LMO1: variants seen among roughly 807,000 people sequenced by gnomAD.
The protein encoded by LMO1 is LIM domain only 1, also known as rhombotin-1.
LMO1 carries 10 observed loss-of-function variants against 18.0 expected under a neutral mutation model. That is an observed-to-expected ratio of 0.55 (90% CI 0.34 to 0.94). LMO1 has a LOEUF of 0.94. Among genes scored for constraint, LMO1 ranks in the 40% least tolerant of loss-of-function variants. The pLI, the probability that LMO1 is intolerant of heterozygous loss-of-function variation, is 0.02. For synonymous variants in LMO1, 77 were observed against 77.9 expected (o/e 0.99, Z 0.06); for missense variants, 183 against 205.7 (o/e 0.89, Z 0.68).
chr11:8,241,798 A>C (rs1846798966), intron 1 of LMO1, among the ~76,000 whole-genome samples: 1 of 152,060 alleles, frequency 6.6e-6, no homozygotes, highest in African/African-American at 2.4e-5. Context: ...AAAAAAAAAA[A>C]AACAAAAAAA....
At chr11:8,250,036 C>A (rs1192422530) in intron 1 of LMO1, among the ~76,000 whole-genome samples, 1 of 118,054 alleles carries the variant, frequency 8.5e-6, no homozygotes, top group Non-Finnish European at 1.8e-5. Flanking sequence ...ATTTCTTCAC[C>A]TTTCCCCATT....
At position 8,262,363 on chromosome 11, in the gene LMO1, G is replaced by C. The variant is rs74055017; in HGVS notation, c.25+975C>G. ...CTCACCTACAGGGCAGGAGGTCCTG[G>C]GACAGCCAAGGTACTGCCTCTCTCC... On this transcript the variant is annotated intron_variant, in intron 1 of 3. Coordinates refer to ENST00000335790, the MANE Select transcript of LMO1 (RefSeq NM_002315.3). Among the ~76,000 whole-genome samples, 1,411 of 152,264 alleles carry C rather than the reference G, an allele frequency of 9.3e-3. 4 individuals carry two copies. The highest frequency in any genetic ancestry group is 0.015 in the South Asian group (74 of 4,826).
intron 1 of LMO1, among the ~76,000 whole-genome samples, chr11:8,253,086 C>T (rs570968131): frequency 6.6e-6 from 1 of 152,194 alleles, no homozygotes; most frequent in East Asian, 1.9e-4. Flanking sequence ...TGGAGTGTTT[C>T]GAGGAGAGGA....
At chr11:8,263,266 C>A (rs1385222288) in intron 1 of LMO1, 72 bp downstream of exon 1, 34 of 1,503,070 alleles carry the variant, frequency 2.3e-5, no homozygotes, top group Non-Finnish European at 3.1e-5. Context: ...CGTGTCCCCG[C>A]GTGTGTGTGC....
intron 1 of LMO1, among the ~76,000 whole-genome samples, chr11:8,254,895 AC>A (rs1847063787): frequency 6.6e-6 from 1 of 152,328 alleles, no homozygotes; most frequent in South Asian, 2.1e-4. Flanking sequence ...GGAACCAATT[AC>A]TCAATCTCTT....
intron 1 of LMO1, among the ~76,000 whole-genome samples, chr11:8,239,878 A>T (rs1308787661): frequency 6.6e-6 from 1 of 152,258 alleles, no homozygotes; most frequent in Non-Finnish European, 1.5e-5. Flanking sequence ...ATGTTCAACC[A>T]GATGACAGTA....
chr11:8,263,947 G>C, upstream of LMO1: 1 of 909,718 alleles, frequency 1.1e-6, no homozygotes, highest in Non-Finnish European at 1.3e-6. Context: ...CGGGTTAATG[G>C]GGAGTGGAGA....
chr11:8,248,096 G>A (rs770063207), intron 1 of LMO1, among the ~76,000 whole-genome samples: 10 of 152,228 alleles, frequency 6.6e-5, no homozygotes, highest in Non-Finnish European at 1.5e-4. Flanking sequence ...GCAGTGGGTG[G>A]TAGAGCAAGA....
upstream of LMO1, among the ~76,000 whole-genome samples, chr11:8,264,789 G>A (rs566634447): frequency 6.2e-4 from 94 of 152,062 alleles, no homozygotes; most frequent in African/African-American, 2.1e-3. Flanking sequence ...ACACCACCAC[G>A]CCCAGCTAAT....
rs1452212267 is a variant in LMO1, at chr11:8,228,266, G to A, written c.240-1166C>T. The stretch of plus-strand genomic sequence containing the variant: ...CAGCCCTTGGCTGGATGTCCCAATG[G>A]TCTGAGCCATCCCGGCTCCTCCTTG... On this transcript the variant is annotated intron_variant, in intron 2 of 3. Coordinates refer to ENST00000335790, the MANE Select transcript of LMO1 (RefSeq NM_002315.3). 2.6e-5 allele frequency among the ~76,000 whole-genome samples: 4 copies of A among 152,256 alleles called. No homozygotes were observed. In the East Asian group the frequency reaches 5.8e-4, roughly 22 times the overall value.
chr11:8,265,158 A>G (rs1847248347), upstream of LMO1, among the ~76,000 whole-genome samples: 1 of 152,214 alleles, frequency 6.6e-6, no homozygotes, highest in South Asian at 2.1e-4. Context: ...AATTACCAAC[A>G]GTGGACCTTA....
chr11:8,265,144 T>G (rs1847248205), upstream of LMO1, among the ~76,000 whole-genome samples: 1 of 152,252 alleles, frequency 6.6e-6, no homozygotes, highest in Admixed American at 6.5e-5. Context: ...ATCTCATCTC[T>G]GCCAATTACC....
intron 1 of LMO1, among the ~76,000 whole-genome samples, chr11:8,232,748 G>T (rs1211319507): frequency 6.6e-6 from 1 of 152,190 alleles, no homozygotes; most frequent in African/African-American, 2.4e-5. Flanking sequence ...CAGAACATGG[G>T]TGAATGGCTG....
At chr11:8,251,744 TA>T (rs1397636060) in intron 1 of LMO1, among the ~76,000 whole-genome samples, 1 of 143,294 alleles carries the variant, frequency 7.0e-6, no homozygotes, top group East Asian at 2.1e-4. Flanking sequence ...GGGGGGGGTA[TA>T]GGGGTGTGGT....
intron 1 of LMO1, among the ~76,000 whole-genome samples, chr11:8,244,252 G>A (rs377151293): frequency 5.9e-5 from 9 of 152,346 alleles, no homozygotes; most frequent in South Asian, 2.1e-4. Flanking sequence ...CAGCTTGGGA[G>A]TGGGCTGCTG....
At chr11:8,255,845 A>G (rs1346598359) in intron 1 of LMO1, among the ~76,000 whole-genome samples, 1 of 18,004 alleles carries the variant, frequency 5.6e-5, no homozygotes, top group African/African-American at 1.4e-4. Flanking sequence ...TTTTTTTTTG[A>G]GACGGAGTCT....
intron 1 of LMO1, among the ~76,000 whole-genome samples, chr11:8,261,963 G>C (rs931887940): frequency 5.9e-5 from 9 of 152,102 alleles, no homozygotes; most frequent in African/African-American, 2.2e-4. Context: ...GGTCCTCCTA[G>C]ATGCCACCCC....
chr11:8,265,956 G>A (rs887212395), upstream of LMO1, among the ~76,000 whole-genome samples: 7 of 152,204 alleles, frequency 4.6e-5, no homozygotes, highest in African/African-American at 1.4e-4. Context: ...TCTTGTCCAC[G>A]AGTTTGTCTG....
chr11:8,224,777 G>T, intron 3 of LMO1, 56 bp from the exon 4 acceptor site: 1 of 1,206,800 alleles, frequency 8.3e-7, no homozygotes, highest in Non-Finnish European at 1.2e-6. Flanking sequence ...GGGTAAGGGG[G>T]GGGCTGCAGA....
Sources: gnomAD v4.1 joint callset for allele counts (sites outside exome capture counted in the v4.1 genomes callset) on GRCh38, gnomAD v4.1.1 for gene constraint, MANE v1.5 for transcripts, NCBI Gene and HGNC (gene_info 2026-07-23, HGNC 2026-07-21) for gene names.